RABGAP1L: variants seen among roughly 807,000 people sequenced by gnomAD.
RABGAP1L encodes RAB GTPase activating protein 1 like.
In RABGAP1L, 63 loss-of-function variants were observed where a neutral mutation model predicts 137.7. The observed-to-expected ratio is 0.46, with a 90% CI of 0.37 to 0.56. RABGAP1L has a LOEUF of 0.56. RABGAP1L is among the 20% of genes least tolerant of loss of function. RABGAP1L has a pLI of 0.00. For synonymous variants in RABGAP1L, 431 were observed against 433.7 expected (o/e 0.99, Z 0.08); for missense variants, 1,095 against 1,244.0 (o/e 0.88, Z 1.80).
chr1:174,637,549 T>G, intron 14 of RABGAP1L, 61 bp downstream of exon 14: 1 of 1,243,320 alleles, frequency 8.0e-7, no homozygotes, highest in Non-Finnish European at 1.2e-6. Flanking sequence ...TAGAAACCCA[T>G]TTAAGGATTT....
At chr1:174,351,613 T>TG (rs1683196347) in intron 11 of RABGAP1L, among the ~76,000 whole-genome samples, 1 of 152,204 alleles carries the variant, frequency 6.6e-6, no homozygotes, top group Non-Finnish European at 1.5e-5. Flanking sequence ...TCTTGACCTT[T>TG]GGGTGTTAGA....
rs376204779 is a variant in RABGAP1L at position 174,449,046 on chromosome 1, G to A, written c.1710+54901G>A. 4 of 1,613,886 alleles carry A rather than the reference G, an allele frequency of 2.5e-6. No individual in the cohort carries two copies. In the African/African-American group the frequency reaches 4.0e-5, roughly 16 times the overall value. The stretch of plus-strand genomic sequence containing the variant: ...TGGCTTGCAATAAGTAATAGTTTTT[G>A]TAACTGTGTAATATACAGCCTCTCC... On this transcript the variant is annotated intron_variant, in intron 13 of 25. Transcript: ENST00000681986.
At chr1:174,231,783 C>CAA in intron 4 of RABGAP1L, among the ~76,000 whole-genome samples, 1 of 152,148 alleles carries the variant, frequency 6.6e-6, no homozygotes, top group Middle Eastern at 3.4e-3. Flanking sequence ...AGGTGCCACA[C>CAA]GCTTTTAAAC....
Position 174,762,047 on chromosome 1 carries a change from G to C in RABGAP1L, c.2211+9693G>C, listed in dbSNP as rs960796703. Among the ~76,000 whole-genome samples, 10 of 152,206 alleles carry C rather than the reference G, an allele frequency of 6.6e-5. No homozygotes were observed. The East Asian group carries it at 1.9e-3, about 29-fold the overall frequency. On this transcript the variant is annotated intron_variant, in intron 18 of 25. Transcript: ENST00000681986. ...GGACAAAGACTGCAGGTAGTGAGGG[G>C]ATGCTCTGTGCTGGGAGTGTGACTG...
At chr1:174,809,200 A>G (rs1305646144) in intron 18 of RABGAP1L, among the ~76,000 whole-genome samples, 2 of 152,066 alleles carry the variant, frequency 1.3e-5, no homozygotes, top group African/African-American at 4.8e-5. Context: ...TCTCTTCTTG[A>G]GCTTAACTGA....
intron 13 of RABGAP1L, among the ~76,000 whole-genome samples, chr1:174,480,070 A>T (rs1010081302): frequency 6.6e-6 from 1 of 152,182 alleles, no homozygotes; most frequent in African/African-American, 2.4e-5. Context: ...GTTAAATTCT[A>T]AAAGTATGTC....
chr1:174,711,161 C>T (rs1341884426), intron 17 of RABGAP1L, among the ~76,000 whole-genome samples: 3 of 152,116 alleles, frequency 2.0e-5, no homozygotes, highest in Admixed American at 1.3e-4. Flanking sequence ...CACGCCCACC[C>T]GGAACTCACG....
chr1:174,617,678 A>T (rs964502056), intron 13 of RABGAP1L, among the ~76,000 whole-genome samples: 1 of 152,240 alleles, frequency 6.6e-6, no homozygotes, highest in African/African-American at 2.4e-5. Context: ...CAAAATCCAC[A>T]TCCCCAGATA....
intron 14 of RABGAP1L, among the ~76,000 whole-genome samples, chr1:174,651,164 C>T (rs920453344): frequency 1.3e-5 from 2 of 151,944 alleles, no homozygotes; most frequent in African/African-American, 4.8e-5. Context: ...TTTCTTAATC[C>T]TGAGTTCTAG....
intron 13 of RABGAP1L, among the ~76,000 whole-genome samples, chr1:174,436,624 T>C (rs1428323910): frequency 6.6e-6 from 1 of 152,222 alleles, no homozygotes; most frequent in East Asian, 1.9e-4. Flanking sequence ...ACTCTGATGG[T>C]AGTTTCTTTT....
At chr1:174,673,475 C>A (rs1428456404) in intron 14 of RABGAP1L, among the ~76,000 whole-genome samples, 1 of 152,016 alleles carries the variant, frequency 6.6e-6, no homozygotes, top group East Asian at 1.9e-4. Context: ...AACGCAGTGA[C>A]CAAGATGCTA....
chr1:174,571,457 T>G (rs900986891), intron 13 of RABGAP1L, among the ~76,000 whole-genome samples: 1 of 152,114 alleles, frequency 6.6e-6, no homozygotes, highest in African/African-American at 2.4e-5. Flanking sequence ...GATAAATGCT[T>G]GAGGGGGATG....
chr1:174,288,683 G>A (rs1282800004), intron 10 of RABGAP1L, among the ~76,000 whole-genome samples: 1 of 152,108 alleles, frequency 6.6e-6, no homozygotes, highest in Non-Finnish European at 1.5e-5. Context: ...ATGTCCTGGT[G>A]TAGACTTTTC....
At chr1:174,883,020 C>T (rs1333703281) in intron 19 of RABGAP1L, among the ~76,000 whole-genome samples, 1 of 152,108 alleles carries the variant, frequency 6.6e-6, no homozygotes, top group Non-Finnish European at 1.5e-5. Flanking sequence ...ATGGGGCTTT[C>T]ACCATGTTGG....
At chr1:174,875,826 A>G (rs1177325714) in intron 19 of RABGAP1L, 9 of 536,482 alleles carry the variant, frequency 1.7e-5, no homozygotes, top group Non-Finnish European at 2.4e-6. Context: ...AACGAAAATA[A>G]TGCTTAACAG....
At chr1:174,541,535 T>C (rs1665430239) in intron 13 of RABGAP1L, among the ~76,000 whole-genome samples, 1 of 152,162 alleles carries the variant, frequency 6.6e-6, no homozygotes, top group Non-Finnish European at 1.5e-5. Context: ...CCAGCACTTT[T>C]GGAGGCCAAG....
intron 13 of RABGAP1L, among the ~76,000 whole-genome samples, chr1:174,527,189 T>C (rs1663948485): frequency 6.7e-6 from 1 of 148,426 alleles, no homozygotes; most frequent in South Asian, 2.1e-4. Context: ...TGAGAAAACA[T>C]ATGATTTTTA....
At chr1:174,692,748 C>A (rs1557989970) in intron 15 of RABGAP1L, among the ~76,000 whole-genome samples, 1 of 152,052 alleles carries the variant, frequency 6.6e-6, no homozygotes, top group Non-Finnish European at 1.5e-5. Flanking sequence ...AAGACAGAGT[C>A]TCTGTCTTTA....
chr1:174,889,321 A>T (rs1254224965), intron 19 of RABGAP1L, among the ~76,000 whole-genome samples: 1 of 151,860 alleles, frequency 6.6e-6, no homozygotes, highest in African/African-American at 2.4e-5. Flanking sequence ...ACAGGGTTTC[A>T]CCATATTGGG....
Sources: allele counts gnomAD v4.1 joint callset (sites outside exome capture counted in the v4.1 genomes callset), GRCh38; gene constraint gnomAD v4.1.1; transcripts MANE v1.5; gene names NCBI Gene and HGNC (gene_info 2026-07-23, HGNC 2026-07-21).